Variants in NOX3 observed in about 807,000 individuals in gnomAD.
NOX3 encodes NADPH oxidase catalytic subunit-like 3.
NOX3 carries 74 observed loss-of-function variants against 76.7 expected under a neutral mutation model. The ratio of observed to expected loss-of-function variants is 0.96; its 90% CI spans 0.80 to 1.17. NOX3 has a LOEUF of 1.17. Ranked by LOEUF, NOX3 falls within the 50% of genes most tolerant of loss-of-function variation. The pLI is 0.00. For missense variants in NOX3, 695 were observed against 703.3 expected (o/e 0.99, Z 0.13); for synonymous variants, 263 against 261.1 (o/e 1.01, Z -0.07).
chr6:155,451,361 A>G (rs560678854), intron 4 of NOX3, among the ~76,000 whole-genome samples: 1 of 152,288 alleles, frequency 6.6e-6, no homozygotes, highest in African/African-American at 2.4e-5. Flanking sequence ...TAGCAGGGGT[A>G]TAAAATAATT....
intron 4 of NOX3, among the ~76,000 whole-genome samples, chr6:155,446,730 G>A (rs1023714941): frequency 4.6e-5 from 7 of 152,138 alleles, no homozygotes; most frequent in African/African-American, 7.2e-5. Context: ...GAGTCCAACC[G>A]TTTCTAAGGC....
At chr6:155,417,990 A>G (rs1025241937) in intron 10 of NOX3, among the ~76,000 whole-genome samples, 1 of 152,232 alleles carries the variant, frequency 6.6e-6, no homozygotes, top group Non-Finnish European at 1.5e-5. Context: ...AGATTATCTC[A>G]GTTCTTGTAT....
intron 7 of NOX3, among the ~76,000 whole-genome samples, chr6:155,434,933 AAG>A (rs1203764896): frequency 6.6e-6 from 1 of 152,234 alleles, no homozygotes; most frequent in East Asian, 1.9e-4. Flanking sequence ...GCCCTGAGTT[AAG>A]AGAGGCAAGG....
chr6:155,425,436 A>T (rs1374690540), intron 9 of NOX3, among the ~76,000 whole-genome samples: 2 of 152,120 alleles, frequency 1.3e-5, no homozygotes, highest in African/African-American at 4.8e-5. Flanking sequence ...CTGTCCTGTG[A>T]GTCCTTGCTG....
chr6:155,422,785 G>A lies in NOX3; in HGVS notation c.1217C>T (p.Ala406Val). 6.2e-7 allele frequency: 1 copy of A among 1,614,168 alleles called. No individual in the cohort carries two copies. Among genetic ancestry groups the A allele is most frequent in the Non-Finnish European group, 8.5e-7 (1 of 1,180,006 alleles). The change falls in exon 10 of 14, where the codon GCC (alanine) becomes GTC (valine). Residue 406 changes from alanine to valine, a missense_variant. Coordinates refer to ENST00000159060, the MANE Select transcript of NOX3 (RefSeq NM_015718.3). ...GAAGGGAGTGACTCCGATCCCCGCG[G>A]CAACGCACACACACACTGGGTAGTG... ...VFHYPVCVCV[A>V]AGIGVTPFAA... is the part of the protein sequence containing the mutation.
At chr6:155,436,292 G>A in intron 7 of NOX3, 126 bp downstream of exon 7, 2 of 1,056,474 alleles carry the variant, frequency 1.9e-6, no homozygotes, top group Non-Finnish European at 1.4e-6. Flanking sequence ...TTCTCCATTA[G>A]CACACTTAAT....
chr6:155,397,866 T>C (rs1269943807), intron 12 of NOX3, among the ~76,000 whole-genome samples: 1 of 152,202 alleles, frequency 6.6e-6, no homozygotes, highest in Non-Finnish European at 1.5e-5. Context: ...GCTGAAAATA[T>C]AGTCACCCAA....
At chr6:155,416,725 C>T (rs1776625063) in intron 10 of NOX3, among the ~76,000 whole-genome samples, 1 of 142,818 alleles carries the variant, frequency 7.0e-6, no homozygotes, top group Admixed American at 7.1e-5. Flanking sequence ...TGTTGGACAA[C>T]TGAAACATCT....
rs191653174 is a variant in NOX3 at position 155,452,916 on chromosome 6, A to G, written c.340+488T>C. ...GCAATAACACTTTATATGCCGATAA[A>G]GCTTCATGTCTTTTCAAGACCCTTT... On this transcript the variant is annotated intron_variant, in intron 4 of 13. Transcript: ENST00000159060. Among the ~76,000 whole-genome samples, 786 of 152,288 alleles carry G rather than the reference A, an allele frequency of 5.2e-3. 6 individuals carry two copies. Among genetic ancestry groups the G allele is most frequent in the African/African-American group, 0.018 (740 of 41,550 alleles).
At chr6:155,449,848 T>G (rs1480160610) in intron 4 of NOX3, among the ~76,000 whole-genome samples, 3 of 152,148 alleles carry the variant, frequency 2.0e-5, no homozygotes, top group Non-Finnish European at 4.4e-5. Context: ...GCTAATAAAA[T>G]AAGCGCAGGG....
chr6:155,423,509 A>G (rs1445839206), intron 9 of NOX3, among the ~76,000 whole-genome samples: 2 of 152,066 alleles, frequency 1.3e-5, no homozygotes, highest in African/African-American at 4.8e-5. Context: ...AATTTTTCTT[A>G]ATAAGGATAA....
chr6:155,416,312 T>C (rs78117035), intron 10 of NOX3, among the ~76,000 whole-genome samples: 176 of 152,342 alleles, frequency 1.2e-3, no homozygotes, highest in African/African-American at 3.8e-3. Flanking sequence ...GGAGAATTTC[T>C]CTCTGTGAAA....
intron 11 of NOX3, among the ~76,000 whole-genome samples, chr6:155,410,082 G>GT (rs955316205): frequency 6.6e-6 from 1 of 152,146 alleles, no homozygotes; most frequent in Non-Finnish European, 1.5e-5. Context: ...TAAGGAAAGT[G>GT]TTTGTTTGGA....
intron 10 of NOX3, among the ~76,000 whole-genome samples, chr6:155,414,623 CTTTTTTT>C (rs72348061): frequency 1.8e-5 from 2 of 113,790 alleles, no homozygotes; most frequent in Non-Finnish European, 3.6e-5. Flanking sequence ...TCTTTTCTTT[CTTTTTTT>C]TTTTTTTTTT....
intron 7 of NOX3, among the ~76,000 whole-genome samples, chr6:155,431,930 G>A (rs919489047): frequency 2.6e-5 from 4 of 152,068 alleles, no homozygotes; most frequent in East Asian, 1.9e-4. Flanking sequence ...CCATATTATC[G>A]TGGTCCTTTC....
chr6:155,434,783 C>T (rs940047385), intron 7 of NOX3, among the ~76,000 whole-genome samples: 27 of 152,170 alleles, frequency 1.8e-4, no homozygotes, highest in Admixed American at 1.5e-3. Context: ...GGAGGAGGGA[C>T]TGCCGGGTAT....
intron 9 of NOX3, among the ~76,000 whole-genome samples, chr6:155,425,613 T>C (rs1776746105): frequency 6.6e-6 from 1 of 152,184 alleles, no homozygotes; most frequent in Non-Finnish European, 1.5e-5. Flanking sequence ...ACTTACCGTG[T>C]GCTAAGTATT....
chr6:155,423,751 T>C (rs1056846043), intron 9 of NOX3, among the ~76,000 whole-genome samples: 1 of 150,182 alleles, frequency 6.7e-6, no homozygotes, highest in Non-Finnish European at 1.5e-5. Flanking sequence ...TTCTTTTTTT[T>C]TTTTTTTTGA....
intron 6 of NOX3, among the ~76,000 whole-genome samples, chr6:155,439,313 T>C (rs1411205922): frequency 6.6e-6 from 1 of 152,180 alleles, no homozygotes; most frequent in Admixed American, 6.5e-5. Flanking sequence ...TGAAAAGCAT[T>C]ATATTTGAGG....
Sources: gnomAD v4.1 joint callset for allele counts (sites outside exome capture counted in the v4.1 genomes callset) on GRCh38, gnomAD v4.1.1 for gene constraint, MANE v1.5 for transcripts, NCBI Gene and HGNC (gene_info 2026-07-23, HGNC 2026-07-21) for gene names.